The following APC variants were observed in gnomAD, a reference collection of about 807,000 sequenced individuals.
The protein encoded by APC is adenomatous polyposis coli protein.
APC carries 72 observed loss-of-function variants against 247.0 expected under a neutral mutation model. The observed-to-expected ratio is 0.29, with a 90% CI of 0.24 to 0.35. APC has a LOEUF of 0.35. Among genes scored for constraint, APC ranks in the 10% least tolerant of loss-of-function variants. APC has a pLI of 1.00. For missense variants in APC, 3,400 were observed against 3,360.7 expected, an observed-to-expected ratio of 1.01 and a Z score of -0.29; for synonymous variants, 1,254 against 1,162.5, an observed-to-expected ratio of 1.08 and a Z score of -1.60.
chr5:112,792,677 T>A (rs1219562538), intron 7 of APC, 148 bp downstream of exon 7: 2 of 647,870 alleles, frequency 3.1e-6, no homozygotes, highest in Non-Finnish European at 5.4e-6. Flanking sequence ...TGAAATTAAA[T>A]TATCAAAGAT....
In APC at chr5:112,843,852, A is replaced by G. The variant is rs876660649; in HGVS notation, c.8258A>G (p.Glu2753Gly). Residue 2753 changes from glutamate to glycine, a missense_variant, in exon 16 of 16, where the codon GAA becomes GGA. Physicochemically the swap from Glu to Gly is moderately conservative, Grantham distance 98. Around this residue, in one of 9 missense-constraint regions of APC, gnomAD observed 1,788 missense variants for 1,649.5 expected, o/e 1.08. Coordinates refer to ENST00000257430, the MANE Select transcript of APC (RefSeq NM_000038.6). This position sits in a 1 kb window ranked among gnomAD's most constrained non-coding sequence, Gnocchi z 4.8. Reference sequence around the variant, plus strand: ...CCTGTCCCTGTATCAGAGACTAATGAAAGTTCTATAGTGGAACGTACCCCA... The same window carrying G: ...CCTGTCCCTGTATCAGAGACTAATGGAAGTTCTATAGTGGAACGTACCCCA... ...NNPVPVSETNESSIVERTPFS... is the reference protein window; with the variant it reads ...NNPVPVSETNGSSIVERTPFS... The G allele has an allele frequency of 6.2e-7, 1 of 1,614,106 alleles. No homozygotes were observed. The highest frequency in any genetic ancestry group is 8.5e-7 in the Non-Finnish European group (1 of 1,179,944).
At chr5:112,774,336 A>G (rs1315172326) in intron 4 of APC, among the ~76,000 whole-genome samples, 1 of 152,184 alleles carries the variant, frequency 6.6e-6, no homozygotes, top group Admixed American at 6.5e-5. Context: ...TAATTAGAGC[A>G]TTTTTGGATT....
intron 7 of APC, among the ~76,000 whole-genome samples, chr5:112,793,348 C>G (rs1433897899): frequency 1.3e-5 from 2 of 152,238 alleles, no homozygotes; most frequent in African/African-American, 4.8e-5. Context: ...CCCCCACTGG[C>G]ATCCAGGCTT....
At chr5:112,745,147 T>C (rs1753497893) in intron 1 of APC, among the ~76,000 whole-genome samples, 1 of 152,194 alleles carries the variant, frequency 6.6e-6, no homozygotes, top group African/African-American at 2.4e-5. Context: ...TATAGAACTT[T>C]ATATACTTTT....
At chr5:112,817,484 A>G (rs564870074) in intron 9 of APC, among the ~76,000 whole-genome samples, 1 of 152,270 alleles carries the variant, frequency 6.6e-6, no homozygotes, top group South Asian at 2.1e-4. Context: ...CCAAAATTCT[A>G]TGAAGTATCC....
Position 112,837,916 on chromosome 5 carries a change from C to T in APC, c.2322C>T (p.Asp774=), listed in dbSNP as rs145792879. The change falls in exon 16 of 16, where the codon GAC becomes GAT. Residue 774 remains aspartate, a synonymous_variant. Transcript: ENST00000257430. The stretch of plus-strand genomic sequence containing the variant: ...CTCAGCACTTATCAGAAACTTTTGA[C>T]AATATAGACAATTTAAGTCCCAAGG... ...LDAQHLSETF[D]NIDNLSPKAS... The T allele has an allele frequency of 5.8e-4, 943 of 1,614,026 alleles. No individual in the cohort carries two copies. Among genetic ancestry groups the T allele is most frequent in the Non-Finnish European group, 6.9e-4 (811 of 1,180,014 alleles).
At chr5:112,765,116 G>GT (rs1381606173) in intron 2 of APC, among the ~76,000 whole-genome samples, 1 of 152,018 alleles carries the variant, frequency 6.6e-6, no homozygotes, top group Non-Finnish European at 1.5e-5. Context: ...CTTTGTTTCT[G>GT]TTTTTTTAGC....
chr5:112,763,482 G>T (rs1755901087), intron 2 of APC, among the ~76,000 whole-genome samples: 1 of 151,636 alleles, frequency 6.6e-6, no homozygotes, highest in African/African-American at 2.4e-5. Flanking sequence ...CTTATTGTTG[G>T]ACATCTGAAT....
intron 4 of APC, among the ~76,000 whole-genome samples, chr5:112,771,590 G>A (rs1050830138): frequency 1.3e-5 from 2 of 152,254 alleles, no homozygotes; most frequent in East Asian, 3.9e-4. Context: ...GTACCAATGA[G>A]AAATTTGATA....
chr5:112,749,236 T>A (rs1010513457), intron 1 of APC, among the ~76,000 whole-genome samples: 1 of 152,240 alleles, frequency 6.6e-6, no homozygotes, highest in Non-Finnish European at 1.5e-5. Flanking sequence ...AATCAACATT[T>A]GTAAATATTA....
At chr5:112,803,158 A>C (rs1014284233) in intron 8 of APC, among the ~76,000 whole-genome samples, 1 of 152,154 alleles carries the variant, frequency 6.6e-6, no homozygotes, top group Non-Finnish European at 1.5e-5. Flanking sequence ...AGGCATTCTC[A>C]TATGTTGCTT....
rs964366695 is a variant in APC, at chr5:112,707,594, C to A, written c.-124C>A. 4.8e-6 allele frequency: 5 copies of A among 1,043,114 alleles called. No individual in the cohort carries two copies. Among genetic ancestry groups the A allele is most frequent in the Admixed American group, 2.5e-5 (1 of 40,156 alleles). 64.6% of individuals were successfully genotyped at this position (1,043,114 alleles called of 1,614,324 possible). A position where few individuals can be genotyped will look rare whatever the true frequency, so the allele number is the denominator to read the frequency against. On this transcript the variant is annotated 5_prime_UTR_variant, in exon 1 of 14. Transcript: ENST00000507379. ...AAGCCTAGCCGCTGCTCGGGGGGGA[C>A]CTGCGGGCTCAGGCCCGGGAGCTGC...
chr5:112,835,266 C>A (rs1764760839), intron 15 of APC, 101 bp downstream of exon 15: 3 of 1,029,304 alleles, frequency 2.9e-6, no homozygotes, highest in African/African-American at 1.6e-5. Context: ...AGTTTTAAGC[C>A]AAAATATATT....
At position 112,837,765 on chromosome 5, in the gene APC, C is replaced by T. The variant is rs1765117820; in HGVS notation, c.2171C>T (p.Ala724Val). ...KHKMIAMGSA[A>V]ALRNLMANRP... is the part of the protein sequence containing the mutation. ...AAAATGATTGCTATGGGAAGTGCTG[C>T]AGCTTTAAGGAATCTCATGGCAAAT... is the stretch of plus-strand genomic sequence containing the variant. The change falls in exon 16 of 16, where the codon GCA (alanine) becomes GTA (valine). Residue 724 changes from alanine to valine, a missense_variant. By Grantham distance (64) the Ala-to-Val change is moderately conservative (BLOSUM62 0). Transcript: ENST00000257430. 1.9e-6 allele frequency: 3 copies of T among 1,614,098 alleles called. No homozygotes were observed. Among genetic ancestry groups the T allele is most frequent in the Non-Finnish European group, 2.5e-6 (3 of 1,180,038 alleles).
rs587778044 is a variant in APC, at chr5:112,843,740, G to C, written c.8146G>C (p.Val2716Leu). 1 of 1,614,028 alleles carries C rather than the reference G, an allele frequency of 6.2e-7. No homozygotes were observed. ...VGNGSVPMRT[V>L]GLENRLNSFI... ...TAATGGCAGTGTTCCCATGCGTACC[G>C]TGGGTTTGGAAAATCGCCTGAACTC... The change falls in exon 16 of 16, where the codon GTG becomes CTG. Residue 2716 changes from valine to leucine, a missense_variant. Coordinates refer to ENST00000257430, the MANE Select transcript of APC (RefSeq NM_000038.6). This position sits in a 1 kb window ranked among gnomAD's most constrained non-coding sequence, Gnocchi z 4.8.
upstream of APC, among the ~76,000 whole-genome samples, chr5:112,733,407 T>C (rs1752195432): frequency 1.3e-5 from 2 of 151,700 alleles, no homozygotes; most frequent in Admixed American, 1.3e-4. Flanking sequence ...TACTTAAGAG[T>C]GGAAGAGGGA....
At chr5:112,769,652 C>A (rs1707302537) in intron 4 of APC, among the ~76,000 whole-genome samples, 2 of 152,024 alleles carry the variant, frequency 1.3e-5, no homozygotes, top group Admixed American at 6.6e-5. Context: ...ATCTCTGTGA[C>A]CTTGGTTAAG....
chr5:112,821,845 T>C (rs1161581726), intron 10 of APC, 51 bp from the exon 11 acceptor site: 3 of 1,402,956 alleles, frequency 2.1e-6, no homozygotes, highest in Non-Finnish European at 3.0e-6. Flanking sequence ...ATAAACATCA[T>C]TGCTCTTCAA....
Position 112,738,005 on chromosome 5 carries a change from G to A in APC, c.-19+80G>A, listed in dbSNP as rs1053196695. On this transcript the variant is annotated intron_variant, in intron 1 of 15. Transcript: ENST00000257430. Reference sequence around the variant, plus strand: ...GTTTTCCCTCGCACTGTCTTAAACCGATGGCCTTTCCTTGGCACAGGGTCC... The same window carrying A: ...GTTTTCCCTCGCACTGTCTTAAACCAATGGCCTTTCCTTGGCACAGGGTCC... The A allele has an allele frequency of 8.8e-6, 8 of 909,440 alleles. No homozygotes were observed. In the South Asian group the frequency reaches 3.0e-4, roughly 34 times the overall value. 56.3% of individuals were successfully genotyped at this position (909,440 alleles called of 1,614,324 possible).
Sources: allele counts gnomAD v4.1 joint callset (sites outside exome capture counted in the v4.1 genomes callset), GRCh38; gene constraint gnomAD v4.1.1; regional missense constraint gnomAD v4.1.1; non-coding constraint Gnocchi (gnomAD v3.1); transcripts MANE v1.5; gene names NCBI Gene and HGNC (gene_info 2026-07-23, HGNC 2026-07-21).